The following AUTS2 variants were observed in gnomAD, a reference collection of about 807,000 sequenced individuals.
The protein encoded by AUTS2 is activator of transcription and developmental regulator AUTS2.
A neutral mutation model predicts 112.4 loss-of-function variants in AUTS2; 17 were observed. The observed-to-expected ratio is 0.15, with a 90% CI of 0.10 to 0.23. AUTS2 has a LOEUF of 0.23. Among genes scored for constraint, AUTS2 ranks in the 10% least tolerant of loss-of-function variants. The pLI is 1.00. For missense variants in AUTS2, 1,510 were observed against 1,701.6 expected, an observed-to-expected ratio of 0.89 and a Z score of 1.98; for synonymous variants, 751 against 702.7, an observed-to-expected ratio of 1.07 and a Z score of -1.09.
intron 1 of AUTS2, among the ~76,000 whole-genome samples, chr7:69,734,886 CA>C (rs1354764830): frequency 6.6e-6 from 1 of 152,084 alleles, no homozygotes; most frequent in East Asian, 1.9e-4. Context: ...CCTTCCCATC[CA>C]CCCCCTGCCC....
intron 4 of AUTS2, among the ~76,000 whole-genome samples, chr7:70,186,373 T>A (rs1809605547): frequency 6.6e-6 from 1 of 152,152 alleles, no homozygotes; most frequent in African/African-American, 2.4e-5. Context: ...TCTTTTCAGC[T>A]TAAGATAACA....
chr7:69,797,603 T>G (rs534457815), intron 1 of AUTS2, among the ~76,000 whole-genome samples: 1 of 152,318 alleles, frequency 6.6e-6, no homozygotes, highest in South Asian at 2.1e-4. Context: ...TGGAGGCCAC[T>G]GGGAATTTGT....
intron 5 of AUTS2, among the ~76,000 whole-genome samples, chr7:70,675,743 T>C (rs1807877460): frequency 1.3e-5 from 2 of 152,208 alleles, no homozygotes; most frequent in Non-Finnish European, 2.9e-5. Context: ...CTGCAAGCCT[T>C]GTCCATGTAG....
At chr7:70,326,525 G>A (rs550451830) in intron 4 of AUTS2, among the ~76,000 whole-genome samples, 3 of 152,254 alleles carry the variant, frequency 2.0e-5, no homozygotes, top group Non-Finnish European at 2.9e-5. Context: ...GGAAATGGAC[G>A]TACACCTGGA....
intron 5 of AUTS2, among the ~76,000 whole-genome samples, chr7:70,687,450 T>A (rs915857915): frequency 5.9e-5 from 9 of 152,318 alleles, no homozygotes; most frequent in African/African-American, 2.2e-4. Flanking sequence ...GATTTGGTGG[T>A]TAAGTAAGAT....
chr7:70,746,652 T>C (rs548592859), intron 6 of AUTS2, among the ~76,000 whole-genome samples: 137 of 152,130 alleles, frequency 9.0e-4, no homozygotes, highest in Middle Eastern at 3.4e-3. Context: ...GATTCGAAAG[T>C]GCACCTGTGT....
At chr7:70,531,124 C>T (rs549316608) in intron 5 of AUTS2, among the ~76,000 whole-genome samples, 1 of 57,450 alleles carries the variant, frequency 1.7e-5, no homozygotes, top group East Asian at 2.8e-4. Context: ...TTAGAGTATT[C>T]CTTATTCTTG....
chr7:70,440,077 G>A (rs1016959120), intron 5 of AUTS2, among the ~76,000 whole-genome samples: 3 of 152,020 alleles, frequency 2.0e-5, no homozygotes, highest in Admixed American at 1.3e-4. Context: ...TAGTCCTGTA[G>A]CAATTAAATG....
intron 4 of AUTS2, among the ~76,000 whole-genome samples, chr7:70,414,517 T>C (rs1794911636): frequency 6.6e-6 from 1 of 152,148 alleles, no homozygotes; most frequent in South Asian, 2.1e-4. Flanking sequence ...ACAAACTGGG[T>C]ATCAGACATA....
At chr7:70,357,195 C>A (rs1792050711) in intron 4 of AUTS2, among the ~76,000 whole-genome samples, 1 of 152,174 alleles carries the variant, frequency 6.6e-6, no homozygotes, top group Admixed American at 6.5e-5. Flanking sequence ...CAGGAACAAA[C>A]CGCGCAGGGG....
intron 5 of AUTS2, among the ~76,000 whole-genome samples, chr7:70,487,766 G>T (rs765236481): frequency 2.0e-4 from 30 of 152,316 alleles, no homozygotes; most frequent in Admixed American, 7.2e-4. Flanking sequence ...CTCAGGGGAG[G>T]CAAGCAAGAT....
chr7:70,669,001 A>C (rs1807496196), intron 5 of AUTS2, among the ~76,000 whole-genome samples: 2 of 152,244 alleles, frequency 1.3e-5, no homozygotes, highest in Non-Finnish European at 1.5e-5. Context: ...TGGGACAGAT[A>C]GGGGAATTTT....
At chr7:70,210,268 A>G (rs1810787870) in intron 4 of AUTS2, among the ~76,000 whole-genome samples, 1 of 152,178 alleles carries the variant, frequency 6.6e-6, no homozygotes, top group Admixed American at 6.6e-5. Flanking sequence ...TCTCCTCACG[A>G]TTAGCATCTG....
intron 5 of AUTS2, among the ~76,000 whole-genome samples, chr7:70,444,854 G>A (rs1285989739): frequency 1.3e-5 from 2 of 152,280 alleles, no homozygotes; most frequent in Non-Finnish European, 2.9e-5. Context: ...GGTGGTTGTA[G>A]TACTCAAGGA....
At chr7:69,644,019 C>G (rs1375230248) in intron 1 of AUTS2, among the ~76,000 whole-genome samples, 1 of 152,180 alleles carries the variant, frequency 6.6e-6, no homozygotes, top group Non-Finnish European at 1.5e-5. Flanking sequence ...ATCTACAAGC[C>G]AGGAAGAGAG....
chr7:70,525,775 A>G (rs761872881), intron 5 of AUTS2, among the ~76,000 whole-genome samples: 1 of 152,242 alleles, frequency 6.6e-6, no homozygotes, highest in Non-Finnish European at 1.5e-5. Context: ...GAACACTCGC[A>G]TGGAAGCCCA....
chr7:70,019,878 T>G (rs944215303), intron 2 of AUTS2, among the ~76,000 whole-genome samples: 5 of 152,248 alleles, frequency 3.3e-5, no homozygotes, highest in Non-Finnish European at 7.3e-5. Context: ...TTTAGACTTT[T>G]TATTCCATTG....
intron 4 of AUTS2, among the ~76,000 whole-genome samples, chr7:70,168,160 C>T (rs1808478497): frequency 1.3e-5 from 2 of 152,230 alleles, no homozygotes; most frequent in African/African-American, 4.8e-5. Flanking sequence ...GTTAGCTTTA[C>T]ACTCCAGTGG....
chr7:70,742,859 A>G (rs996531020), intron 6 of AUTS2, among the ~76,000 whole-genome samples: 9 of 152,228 alleles, frequency 5.9e-5, no homozygotes, highest in African/African-American at 2.2e-4. Context: ...GGAGACTCTT[A>G]GAACTGGAAA....
Sources: allele counts gnomAD v4.1 joint callset (sites outside exome capture counted in the v4.1 genomes callset), GRCh38; gene constraint gnomAD v4.1.1; transcripts MANE v1.5; gene names NCBI Gene and HGNC (gene_info 2026-07-23, HGNC 2026-07-21).